The following DGKE variants were observed in gnomAD, a reference collection of about 807,000 sequenced individuals.
DGKE encodes diacylglycerol kinase epsilon.
DGKE carries 53 observed loss-of-function variants against 70.0 expected under a neutral mutation model. The ratio of observed to expected loss-of-function variants is 0.76; its 90% CI spans 0.61 to 0.95. The LOEUF (loss-of-function observed/expected upper bound fraction) is 0.95. Among genes scored for constraint, DGKE ranks in the 40% least tolerant of loss-of-function variants. DGKE has a pLI of 0.00. For missense variants in DGKE, 655 were observed against 706.9 expected (o/e 0.93, Z 0.83); for synonymous variants, 291 against 257.0 (o/e 1.13, Z -1.27).
intron 4 of DGKE, chr17:56,847,295 G>A (rs906139207): frequency 1.3e-5 from 2 of 150,520 alleles, no homozygotes; most frequent in Admixed American, 1.3e-4. Context: ...TGTGGTTTAT[G>A]TGAACAAGAA....
intron 6 of DGKE, 30 bp downstream of exon 6, chr17:56,848,883 T>G: frequency 6.2e-7 from 1 of 1,613,712 alleles, no homozygotes; most frequent in Non-Finnish European, 8.5e-7. Flanking sequence ...AAAGTAGATT[T>G]CTTGAGATTT....
chr17:56,835,337 C>T (rs760515851), intron 2 of DGKE, 78 bp downstream of exon 2: 4 of 1,393,820 alleles, frequency 2.9e-6, no homozygotes, highest in Non-Finnish European at 3.9e-6. Flanking sequence ...TAGAGGCCTG[C>T]TTTAATCTCT....
In DGKE at chr17:56,856,442, T is replaced by C. The variant is rs190071701; in HGVS notation, c.1099-70T>C. On this transcript the variant is annotated intron_variant, in intron 7 of 11. Transcript: ENST00000284061. Reference sequence around the variant, plus strand: ...TGTCAAAAGAACACAAAGACTAAGATTGACATTTAATTATGACTCAAGCTT... The same window carrying C: ...TGTCAAAAGAACACAAAGACTAAGACTGACATTTAATTATGACTCAAGCTT... The C allele has an allele frequency of 5.5e-3, 8,155 of 1,477,810 alleles. 31 individuals are homozygous for C. Among genetic ancestry groups the C allele is most frequent in the Non-Finnish European group, 6.7e-3 (7,305 of 1,098,004 alleles). The allele number at this position is 1,477,810 out of a possible 1,614,324, so 91.5% of individuals were successfully genotyped here.
chr17:56,849,172 G>T lies in DGKE; in HGVS notation c.1047-9G>T, dbSNP rs753239987. On this transcript the variant is annotated splice_polypyrimidine_tract_variant and intron_variant, in intron 6 of 11. Transcript: ENST00000284061. ...AAACGTGCTGTTTTTTTTAACTTCT[G>T]TTTTTTAGATGGAAAGTTCAAGTAA... 6.2e-7 allele frequency: 1 copy of T among 1,607,528 alleles called. No individual in the cohort carries two copies. Among genetic ancestry groups the T allele is most frequent in the South Asian group, 1.1e-5 (1 of 89,834 alleles).
intron 7 of DGKE, among the ~76,000 whole-genome samples, chr17:56,849,698 A>G (rs1907533289): frequency 1.3e-5 from 2 of 152,256 alleles, no homozygotes; most frequent in Non-Finnish European, 2.9e-5. Flanking sequence ...ACAACTGATT[A>G]GTATAAAGGG....
chr17:56,854,566 C>T (rs944566057), intron 7 of DGKE, among the ~76,000 whole-genome samples: 1 of 152,114 alleles, frequency 6.6e-6, no homozygotes, highest in Admixed American at 6.5e-5. Flanking sequence ...CCACGCCCCT[C>T]AGCCTCCCAA....
chr17:56,862,680 T>C lies in DGKE; in HGVS notation c.1593T>C (p.Thr531=), dbSNP rs1908365261. 1 of 1,610,030 alleles carries C rather than the reference T, an allele frequency of 6.2e-7. No homozygotes were observed. The highest frequency in any genetic ancestry group is 1.7e-5 in the Admixed American group (1 of 58,830). ...AGCCTTGGGCCCAAGGGCCCTGCAC[T>C]GTCACCATAACTCACAAGACACATG... ...DGEPWAQGPC[T]VTITHKTHAM... is the part of the protein sequence containing the mutation. The change falls in exon 12 of 12, where the codon ACT becomes ACC. Residue 531 remains threonine, a synonymous_variant. Transcript: ENST00000284061.
chr17:56,843,517 C>T (rs932568773), intron 2 of DGKE, among the ~76,000 whole-genome samples: 4 of 151,982 alleles, frequency 2.6e-5, no homozygotes, highest in Non-Finnish European at 5.9e-5. Context: ...TGCTGTTAGG[C>T]GGGGCACAGT....
chr17:56,849,068 C>A (rs930080668), intron 6 of DGKE, 113 bp from the exon 7 acceptor site: 1 of 1,216,712 alleles, frequency 8.2e-7, no homozygotes, highest in East Asian at 2.4e-5. Context: ...TGCTCATATA[C>A]GTGTGGTTAC....
chr17:56,843,669 C>T (rs966105596), intron 2 of DGKE, among the ~76,000 whole-genome samples: 1 of 151,746 alleles, frequency 6.6e-6, no homozygotes, highest in Non-Finnish European at 1.5e-5. Context: ...GGTAGTAGCA[C>T]GAACTTGTAA....
chr17:56,848,563 C>G, intron 5 of DGKE, 133 bp from the exon 6 acceptor site: 1 of 857,840 alleles, frequency 1.2e-6, no homozygotes. Context: ...GCAATTAGCA[C>G]AAGCTTTAGC....
At chr17:56,850,352 C>T (rs913768286) in intron 7 of DGKE, among the ~76,000 whole-genome samples, 3 of 151,802 alleles carry the variant, frequency 2.0e-5, no homozygotes, top group African/African-American at 4.8e-5. Context: ...AGGCTGGTCT[C>T]GAACTCCTAG....
In DGKE at chr17:56,862,685, C is replaced by G. The variant is rs1412591907; in HGVS notation, c.1598C>G (p.Thr533Ser). The change falls in exon 12 of 12, where the codon ACC becomes AGC. Residue 533 changes from threonine (T) to serine (S), a missense_variant. Thr to Ser is a moderately conservative substitution (Grantham distance 58, BLOSUM62 1). Coordinates refer to ENST00000284061, the MANE Select transcript of DGKE (RefSeq NM_003647.3). ...EPWAQGPCTV[T>S]ITHKTHAMML... The stretch of plus-strand genomic sequence containing the variant: ...TGGGCCCAAGGGCCCTGCACTGTCA[C>G]CATAACTCACAAGACACATGCAATG... 1 of 1,610,694 alleles carries G rather than the reference C, an allele frequency of 6.2e-7. No individual in the cohort carries two copies. Among genetic ancestry groups the G allele is most frequent in the Non-Finnish European group, 8.5e-7 (1 of 1,179,024 alleles).
intron 11 of DGKE, 81 bp downstream of exon 11, chr17:56,862,332 C>G (rs1325533056): frequency 4.5e-6 from 6 of 1,333,730 alleles, no homozygotes; most frequent in South Asian, 2.5e-5. Flanking sequence ...ACATGCTATA[C>G]TTTTCTTTAA....
At chr17:56,860,908 A>G (rs1374237768) in intron 9 of DGKE, among the ~76,000 whole-genome samples, 2 of 152,196 alleles carry the variant, frequency 1.3e-5, no homozygotes, top group African/African-American at 4.8e-5. Flanking sequence ...TTTGCCTGGT[A>G]TTGGATCTTG....
rs1908514594 is a variant in DGKE, at chr17:56,866,101, C to A, written c.*3310C>A. ...TAAAAAGAAAGAAAAGGTTGTTTAT[C>A]CCAATCTGAATTCATTCTCAGCAAC... On this transcript the variant is annotated 3_prime_UTR_variant, in exon 12 of 12. Coordinates refer to ENST00000284061, the MANE Select transcript of DGKE (RefSeq NM_003647.3). 1 of 152,112 alleles carries A rather than the reference C, an allele frequency of 6.6e-6. No individual in the cohort carries two copies. The highest frequency in any genetic ancestry group is 2.1e-4 in the South Asian group (1 of 4,828). The allele number at this position is 152,112 out of a possible 1,614,324, so 9.4% of individuals were successfully genotyped here.
At chr17:56,835,396 C>A in intron 2 of DGKE, 137 bp downstream of exon 2, 1 of 937,494 alleles carries the variant, frequency 1.1e-6, no homozygotes, top group Non-Finnish European at 1.5e-6. Flanking sequence ...AAATAAACAT[C>A]CCTGAGTTTG....
At position 56,858,685 on chromosome 17, in the gene DGKE, T is replaced by A. The variant is rs751030006; in HGVS notation, c.1284+20T>A. The A allele has an allele frequency of 6.4e-7, 1 of 1,553,330 alleles. No individual in the cohort carries two copies. The highest frequency in any genetic ancestry group is 1.4e-5 in the African/African-American group (1 of 72,312). On this transcript the variant is annotated intron_variant, in intron 9 of 11. Coordinates refer to ENST00000284061, the MANE Select transcript of DGKE (RefSeq NM_003647.3). ...GTTGAGGTAAGCTATTAACACTTTT[T>A]ATTTTTTAAAGTTTTAGGTGGTCTC... is the stretch of plus-strand genomic sequence containing the variant.
chr17:56,846,863 G>C (rs993751971), intron 4 of DGKE, among the ~76,000 whole-genome samples: 2 of 151,828 alleles, frequency 1.3e-5, no homozygotes, highest in East Asian at 1.9e-4. Context: ...CATATTAACA[G>C]TACTATAACA....
Sources: allele counts gnomAD v4.1 joint callset (sites outside exome capture counted in the v4.1 genomes callset), GRCh38; gene constraint gnomAD v4.1.1; transcripts MANE v1.5; gene names NCBI Gene and HGNC (gene_info 2026-07-23, HGNC 2026-07-21).